DYNC1I1: variants seen among roughly 807,000 people sequenced by gnomAD.
DYNC1I1 encodes cytoplasmic dynein 1 intermediate chain 1.
In DYNC1I1, 43 loss-of-function variants were observed where a neutral mutation model predicts 86.6. The observed-to-expected ratio is 0.50, with a 90% CI of 0.39 to 0.64. The LOEUF is 0.64. Ranked by LOEUF, DYNC1I1 falls within the 30% of genes least tolerant of loss-of-function variation. DYNC1I1 has a pLI of 0.00. For synonymous variants in DYNC1I1, 262 were observed against 283.7 expected (o/e 0.92, Z 0.77); for missense variants, 604 against 788.8 (o/e 0.77, Z 2.81).
chr7:96,099,009 A>T (rs1209314742), downstream of DYNC1I1, among the ~76,000 whole-genome samples: 19 of 152,218 alleles, frequency 1.2e-4, no homozygotes, highest in Non-Finnish European at 4.4e-5. Context: ...TACAATATTT[A>T]GATATTGAAA....
At chr7:96,011,374 G>T (rs910975253) in intron 10 of DYNC1I1, among the ~76,000 whole-genome samples, 2 of 152,128 alleles carry the variant, frequency 1.3e-5, no homozygotes, top group Non-Finnish European at 2.9e-5. Context: ...AAGTAGAGGG[G>T]TTTTTTGCCT....
chr7:96,001,361 G>C (rs1260617660), intron 10 of DYNC1I1, among the ~76,000 whole-genome samples: 1 of 152,150 alleles, frequency 6.6e-6, no homozygotes, highest in Non-Finnish European at 1.5e-5. Flanking sequence ...GGTGTTCTGA[G>C]GGGTCTGGGT....
intron 2 of DYNC1I1, among the ~76,000 whole-genome samples, chr7:95,806,662 G>A (rs1030987658): frequency 3.3e-5 from 5 of 152,184 alleles, no homozygotes; most frequent in East Asian, 1.9e-4. Flanking sequence ...TACAGAGTCC[G>A]AGTCTTCCAT....
chr7:95,920,331 C>G (rs372196823), intron 6 of DYNC1I1, among the ~76,000 whole-genome samples: 1 of 152,190 alleles, frequency 6.6e-6, no homozygotes, highest in Non-Finnish European at 1.5e-5. Context: ...AATACCTGAC[C>G]TGTTTTCCCA....
intron 10 of DYNC1I1, among the ~76,000 whole-genome samples, chr7:96,014,371 G>T (rs1293666930): frequency 2.0e-5 from 3 of 152,146 alleles, no homozygotes; most frequent in Non-Finnish European, 2.9e-5. Context: ...GACATGTAAG[G>T]TTCCAGCTGC....
At chr7:95,929,653 T>C (rs1791838901) in intron 6 of DYNC1I1, among the ~76,000 whole-genome samples, 1 of 152,154 alleles carries the variant, frequency 6.6e-6, no homozygotes, top group Admixed American at 6.6e-5. Context: ...ATTCAGAATA[T>C]AAGGAGAAAC....
At chr7:95,813,385 A>G in intron 4 of DYNC1I1, 48 bp downstream of exon 4, 1 of 1,568,994 alleles carries the variant, frequency 6.4e-7, no homozygotes, top group South Asian at 1.2e-5. Flanking sequence ...AATTAAAAAA[A>G]AAAAAAAACA....
At chr7:95,933,728 A>T (rs1376512683) in intron 6 of DYNC1I1, among the ~76,000 whole-genome samples, 1 of 152,110 alleles carries the variant, frequency 6.6e-6, no homozygotes, top group African/African-American at 2.4e-5. Flanking sequence ...AAAAAACTTC[A>T]CATAAAATTA....
At chr7:95,913,985 G>C (rs1048265097) in intron 6 of DYNC1I1, among the ~76,000 whole-genome samples, 2 of 152,114 alleles carry the variant, frequency 1.3e-5, no homozygotes, top group African/African-American at 4.8e-5. Flanking sequence ...CTCTGATCTT[G>C]GGCAGAATTG....
intron 4 of DYNC1I1, 140 bp downstream of exon 4, chr7:95,813,477 T>G: frequency 2.7e-6 from 3 of 1,104,984 alleles, no homozygotes; most frequent in Non-Finnish European, 3.8e-6. Context: ...AAATTTATGG[T>G]GGCTTGCTAT....
chr7:95,950,377 G>A lies in DYNC1I1; in HGVS notation c.491-27135G>A, dbSNP rs139935835. On this transcript the variant is annotated intron_variant, in intron 6 of 16. Coordinates refer to ENST00000447467, the MANE Select transcript of DYNC1I1 (RefSeq NM_001135556.2). ...GGTTTTTGTTTGTTTGCTTGCTTGC[G>A]TTTTCCATGAACTTTCATGGATTTG... 3.0e-4 allele frequency among the ~76,000 whole-genome samples: 45 copies of A among 152,140 alleles called. 1 individual carries two copies. The highest frequency in any genetic ancestry group is 9.9e-4 in the African/African-American group (41 of 41,508).
chr7:95,780,974 G>T (rs1793977780), intron 1 of DYNC1I1, among the ~76,000 whole-genome samples: 1 of 151,920 alleles, frequency 6.6e-6, no homozygotes, highest in Non-Finnish European at 1.5e-5. Context: ...GGGAATTGGT[G>T]TGTATTTTGT....
chr7:95,947,887 AT>A (rs1792445670), intron 6 of DYNC1I1, among the ~76,000 whole-genome samples: 2 of 151,138 alleles, frequency 1.3e-5, no homozygotes, highest in African/African-American at 2.4e-5. Flanking sequence ...GCCACTAAGT[AT>A]TTTTAAGGAG....
At chr7:95,955,897 A>G (rs1031383298) in intron 6 of DYNC1I1, among the ~76,000 whole-genome samples, 1 of 152,146 alleles carries the variant, frequency 6.6e-6, no homozygotes, top group Admixed American at 6.5e-5. Context: ...AACATTCTTT[A>G]TCTTAGGGAT....
intron 16 of DYNC1I1, among the ~76,000 whole-genome samples, chr7:96,108,933 C>A (rs1791263122): frequency 6.7e-6 from 1 of 149,294 alleles, no homozygotes; most frequent in Admixed American, 6.7e-5. Context: ...TTGTTTCTTT[C>A]TTCTTCAGTG....
intron 6 of DYNC1I1, among the ~76,000 whole-genome samples, chr7:95,944,914 C>T (rs1219808808): frequency 6.6e-6 from 1 of 151,076 alleles, no homozygotes; most frequent in African/African-American, 2.4e-5. Flanking sequence ...AGGAGATATA[C>T]CTAATGCTAA....
intron 6 of DYNC1I1, among the ~76,000 whole-genome samples, chr7:95,886,848 T>G (rs1790606831): frequency 6.6e-6 from 1 of 152,206 alleles, no homozygotes; most frequent in African/African-American, 2.4e-5. Flanking sequence ...CACTTCCTTG[T>G]GAGTGATGGT....
chr7:95,931,286 A>G (rs978425602), intron 6 of DYNC1I1, among the ~76,000 whole-genome samples: 2 of 152,156 alleles, frequency 1.3e-5, no homozygotes, highest in East Asian at 1.9e-4. Flanking sequence ...AGTAGCTGGA[A>G]TTACAGGTTT....
At chr7:96,110,244 C>T (rs1017755415), downstream of DYNC1I1, 26 of 235,648 alleles carry the variant, frequency 1.1e-4, no homozygotes, top group African/African-American at 3.8e-4. Context: ...CATGTGTTTG[C>T]GATGAACTGA....
Sources: allele counts gnomAD v4.1 joint callset (sites outside exome capture counted in the v4.1 genomes callset), GRCh38; gene constraint gnomAD v4.1.1; transcripts MANE v1.5; gene names NCBI Gene and HGNC (gene_info 2026-07-23, HGNC 2026-07-21).